The following SHC4 variants were observed in gnomAD, a reference collection of about 807,000 sequenced individuals.
SHC4 encodes SHC adaptor protein 4.
SHC4 carries 41 observed loss-of-function variants against 69.4 expected under a neutral mutation model. That is an observed-to-expected ratio of 0.59 (90% CI 0.46 to 0.77). The LOEUF is 0.77. SHC4 is among the 30% of genes least tolerant of loss of function. The pLI is 0.00. For missense variants in SHC4, 777 were observed against 783.8 expected (o/e 0.99, Z 0.10); for synonymous variants, 318 against 299.3 (o/e 1.06, Z -0.64).
intron 1 of SHC4, among the ~76,000 whole-genome samples, chr15:48,937,097 T>C (rs1901085291): frequency 6.6e-6 from 1 of 152,230 alleles, no homozygotes; most frequent in South Asian, 2.1e-4. Flanking sequence ...GCCAGAAAAG[T>C]TGTGCTATGT....
At chr15:48,857,191 G>T (rs1198643056) in intron 7 of SHC4, among the ~76,000 whole-genome samples, 1 of 152,080 alleles carries the variant, frequency 6.6e-6, no homozygotes, top group Admixed American at 6.6e-5. Flanking sequence ...GGGTCCCACC[G>T]TGTTCCACTC....
chr15:48,833,342 G>A (rs1428643445), intron 11 of SHC4, among the ~76,000 whole-genome samples: 1 of 152,138 alleles, frequency 6.6e-6, no homozygotes, highest in Admixed American at 6.5e-5. Context: ...CTGTGGCACT[G>A]CAAGTTCTCT....
chr15:48,834,362 T>C (rs754747589), intron 11 of SHC4, among the ~76,000 whole-genome samples: 1 of 152,234 alleles, frequency 6.6e-6, no homozygotes, highest in Non-Finnish European at 1.5e-5. Context: ...AGAAACACCA[T>C]AATGCTTTGG....
At chr15:48,932,387 C>T (rs1336837716) in intron 1 of SHC4, among the ~76,000 whole-genome samples, 2 of 152,098 alleles carry the variant, frequency 1.3e-5, no homozygotes, top group Non-Finnish European at 2.9e-5. Flanking sequence ...ACAGGTTGTC[C>T]AGGAATCACA....
In SHC4 at chr15:48,851,209, A is replaced by C; in HGVS notation, c.1282T>G (p.Leu428Val). ...SKCSSVYENC[L>V]EQSRAIGNVH... Reference sequence around the variant, plus strand: ...CTACCTATTGCCCTGCTTTGTTCTAAACAGTTCTCATATACACTGCTGCAC... The same window carrying C: ...CTACCTATTGCCCTGCTTTGTTCTACACAGTTCTCATATACACTGCTGCAC... Residue 428 changes from leucine (L) to valine (V), a missense_variant, in exon 9 of 12, where the codon TTA becomes GTA. Physicochemically the swap from Leu to Val is conservative, Grantham distance 32. Transcript: ENST00000332408. The C allele has an allele frequency of 6.2e-7, 1 of 1,614,112 alleles. No homozygotes were observed. The highest frequency in any genetic ancestry group is 8.5e-7 in the Non-Finnish European group (1 of 1,179,972).
At chr15:48,939,809 A>G (rs558711587) in intron 1 of SHC4, among the ~76,000 whole-genome samples, 13 of 152,392 alleles carry the variant, frequency 8.5e-5, no homozygotes, top group African/African-American at 3.1e-4. Flanking sequence ...ATGGAAGAGC[A>G]GTGACTCACA....
intron 1 of SHC4, among the ~76,000 whole-genome samples, chr15:48,949,911 T>C (rs1032908866): frequency 6.9e-6 from 1 of 144,300 alleles, no homozygotes; most frequent in African/African-American, 2.5e-5. Flanking sequence ...ATTATACATA[T>C]AATTTATATA....
intron 11 of SHC4, 104 bp from the exon 12 acceptor site, chr15:48,826,230 C>A: frequency 1.9e-6 from 2 of 1,031,456 alleles, no homozygotes; most frequent in Non-Finnish European, 2.7e-6. Flanking sequence ...AAAGTAGATA[C>A]TTTGCTGAAA....
At chr15:48,907,836 G>GTA (rs1286387181) in intron 2 of SHC4, among the ~76,000 whole-genome samples, 5 of 147,776 alleles carry the variant, frequency 3.4e-5, no homozygotes, top group African/African-American at 1.3e-4. Context: ...GTGTGTGTGT[G>GTA]TGTGTATATA....
At position 48,906,210 on chromosome 15, in the gene SHC4, C is replaced by T. The variant is rs1030883558; in HGVS notation, c.657-15399G>A. On this transcript the variant is annotated intron_variant, in intron 2 of 11. Coordinates refer to ENST00000332408, the MANE Select transcript of SHC4 (RefSeq NM_203349.4). ...AATGTTCAACAACCACATAAAAATA[C>T]AGCTCAATTGAACTATGTTCTACAA... is the stretch of plus-strand genomic sequence containing the variant. 3.9e-5 allele frequency among the ~76,000 whole-genome samples: 6 copies of T among 152,140 alleles called. 1 individual carries two copies. The highest frequency in any genetic ancestry group is 1.4e-4 in the African/African-American group (6 of 41,432).
chr15:48,854,313 TACAG>T (rs894661341), intron 8 of SHC4, among the ~76,000 whole-genome samples: 3 of 151,860 alleles, frequency 2.0e-5, no homozygotes, highest in African/African-American at 7.3e-5. Flanking sequence ...AAGGCAAAAA[TACAG>T]ATGCTGGCAA....
At chr15:48,882,419 A>G (rs1303742481) in intron 4 of SHC4, among the ~76,000 whole-genome samples, 3 of 152,216 alleles carry the variant, frequency 2.0e-5, no homozygotes, top group African/African-American at 7.2e-5. Context: ...TTTCAAAGGC[A>G]CATCATATTA....
At chr15:48,904,772 G>T (rs895925177) in intron 2 of SHC4, among the ~76,000 whole-genome samples, 1 of 151,850 alleles carries the variant, frequency 6.6e-6, no homozygotes, top group Middle Eastern at 3.2e-3. Flanking sequence ...TGTGGTCCTA[G>T]CTCCTTGGGA....
At chr15:48,875,115 T>A (rs563787574) in intron 4 of SHC4, among the ~76,000 whole-genome samples, 3 of 152,036 alleles carry the variant, frequency 2.0e-5, no homozygotes, top group Admixed American at 6.5e-5. Context: ...ATATCAAGAG[T>A]CCTACTTAAA....
At chr15:48,925,768 A>T (rs916035235) in intron 1 of SHC4, among the ~76,000 whole-genome samples, 74 of 152,200 alleles carry the variant, frequency 4.9e-4, no homozygotes, top group African/African-American at 1.7e-3. Context: ...CGGCAGTATG[A>T]AGGTGGGTTA....
rs139972489 is a variant in SHC4 at position 48,882,184 on chromosome 15, T to C, written c.840+2064A>G. On this transcript the variant is annotated intron_variant, in intron 4 of 11. Transcript: ENST00000332408. The stretch of plus-strand genomic sequence containing the variant: ...TCATTTCTTAAACATTTTAGTTGCC[T>C]TTCTCATGGGAAATAAAGCTTCTTG... Among the ~76,000 whole-genome samples the C allele has an allele frequency of 3.3e-5, 5 of 152,320 alleles. No homozygotes were observed. In the East Asian group the frequency reaches 7.7e-4, roughly 23 times the overall value.
At chr15:48,895,398 T>C (rs188994197) in intron 2 of SHC4, among the ~76,000 whole-genome samples, 193 of 152,108 alleles carry the variant, frequency 1.3e-3, no homozygotes, top group Non-Finnish European at 8.1e-4. Context: ...CTAGGGAAAG[T>C]AGTATATTGA....
intron 2 of SHC4, among the ~76,000 whole-genome samples, chr15:48,897,869 G>A (rs1900252882): frequency 6.6e-6 from 1 of 152,064 alleles, no homozygotes; most frequent in Admixed American, 6.6e-5. Flanking sequence ...ATCACAGCAA[G>A]AGCCTTTCCA....
chr15:48,897,508 C>CCACAAACA (rs1900243517), intron 2 of SHC4, among the ~76,000 whole-genome samples: 1 of 142,936 alleles, frequency 7.0e-6, no homozygotes, highest in African/African-American at 2.6e-5. Context: ...AGCAATGTCG[C>CCACAAACA]CACACACACA....
Sources: allele counts gnomAD v4.1 joint callset (sites outside exome capture counted in the v4.1 genomes callset), GRCh38; gene constraint gnomAD v4.1.1; transcripts MANE v1.5; gene names NCBI Gene and HGNC (gene_info 2026-07-23, HGNC 2026-07-21).